Variants in ANO2 observed in about 807,000 individuals in gnomAD.
The protein encoded by ANO2 is anoctamin 2, also known as anoctamin-2.
ANO2 carries 101 observed loss-of-function variants against 124.2 expected under a neutral mutation model. The observed-to-expected ratio is 0.81, with a 90% CI of 0.69 to 0.96. The LOEUF (loss-of-function observed/expected upper bound fraction) is 0.96. ANO2 is among the 40% of genes least tolerant of loss of function. The pLI, the probability that ANO2 is intolerant of heterozygous loss-of-function variation, is 0.00. For missense variants in ANO2, 1,293 were observed against 1,274.5 expected (o/e 1.01, Z -0.22); for synonymous variants, 486 against 482.5 (o/e 1.01, Z -0.09).
chr12:5,672,953 C>A (rs555576439), intron 14 of ANO2, among the ~76,000 whole-genome samples: 1 of 152,256 alleles, frequency 6.6e-6, no homozygotes, highest in Admixed American at 6.5e-5. Context: ...GTAATGTATT[C>A]CTACGGTTCA....
In ANO2 at chr12:5,832,438, G is replaced by C. The variant is rs571977894; in HGVS notation, c.785+14C>G. 4.3e-6 allele frequency: 7 copies of C among 1,613,854 alleles called. No individual in the cohort carries two copies. In the South Asian group the frequency reaches 6.6e-5, roughly 15 times the overall value. On this transcript the variant is annotated intron_variant, in intron 5 of 24. Transcript: ENST00000682330. ...CCCTTCCCACATCTCTGCTCCAGCA[G>C]CTTCAATACTCACAGGTACATCTTC...
At chr12:5,620,748 G>A (rs1945078912) in intron 16 of ANO2, among the ~76,000 whole-genome samples, 1 of 151,918 alleles carries the variant, frequency 6.6e-6, no homozygotes. Context: ...GCCTGGGTGG[G>A]TATGGCCCCC....
At chr12:5,946,010 A>G, upstream of ANO2, 1 of 957,000 alleles carries the variant, frequency 1.0e-6, no homozygotes, top group Admixed American at 2.1e-5. The surrounding 1 kb of genome is among the most constrained non-coding windows in gnomAD (Gnocchi z 4.1). Context: ...GATGGGAGGG[A>G]AGACCTCCAA....
chr12:5,588,753 G>A (rs1236632185), intron 20 of ANO2, among the ~76,000 whole-genome samples: 1 of 152,210 alleles, frequency 6.6e-6, no homozygotes, highest in Non-Finnish European at 1.5e-5. Flanking sequence ...AACATTGGCA[G>A]TAGTGCATTA....
At chr12:5,932,404 T>G (rs1270232725) in intron 1 of ANO2, among the ~76,000 whole-genome samples, 1 of 139,904 alleles carries the variant, frequency 7.1e-6, no homozygotes, top group Non-Finnish European at 1.6e-5. Flanking sequence ...GAAGATAGAC[T>G]AGTAAGGAAG....
chr12:5,827,609 T>G, intron 7 of ANO2, 160 bp downstream of exon 7: 3 of 840,502 alleles, frequency 3.6e-6, no homozygotes, highest in Admixed American at 4.3e-5. Flanking sequence ...CCGCTGCTCC[T>G]GGGGCCAAGG....
At position 5,577,979 on chromosome 12, in the gene ANO2, A is replaced by G; in HGVS notation, c.2415T>C (p.Ile805=). ...IGIWFDILSG[I]GKFSVISNAF... ...CGTTGCTGATAACAGAGAACTTGCC[A>G]ATTCCAGAGAGAATGTCAAACCAGA... The change falls in exon 22 of 25, where the codon ATT becomes ATC. Residue 805 remains isoleucine (I), a synonymous_variant. Transcript: ENST00000682330. 1 of 1,613,898 alleles carries G rather than the reference A, an allele frequency of 6.2e-7. No individual in the cohort carries two copies. The highest frequency in any genetic ancestry group is 8.5e-7 in the Non-Finnish European group (1 of 1,179,818).
At chr12:5,892,180 CAG>C (rs1313183306) in intron 3 of ANO2, among the ~76,000 whole-genome samples, 1 of 151,972 alleles carries the variant, frequency 6.6e-6, no homozygotes, top group Non-Finnish European at 1.5e-5. Context: ...ATTGAAGTGA[CAG>C]AGGAGTCAGT....
intron 19 of ANO2, among the ~76,000 whole-genome samples, chr12:5,601,521 A>C (rs1943939014): frequency 6.6e-6 from 1 of 152,172 alleles, no homozygotes; most frequent in African/African-American, 2.4e-5. Context: ...GTGAGTCAGA[A>C]CAGAAGGAGA....
intron 16 of ANO2, among the ~76,000 whole-genome samples, chr12:5,622,758 G>T (rs186738710): frequency 6.6e-6 from 1 of 152,258 alleles, no homozygotes; most frequent in African/African-American, 2.4e-5. Context: ...GAGGCCAAGA[G>T]TTTGAGACCA....
chr12:5,695,796 T>A (rs1006711380), intron 14 of ANO2, among the ~76,000 whole-genome samples: 2 of 148,442 alleles, frequency 1.3e-5, no homozygotes, highest in Non-Finnish European at 3.0e-5. Context: ...AGCCGAGATC[T>A]CACCATTGCA....
chr12:5,671,070 T>C (rs1439656683), intron 14 of ANO2, among the ~76,000 whole-genome samples: 2 of 152,082 alleles, frequency 1.3e-5, no homozygotes, highest in Admixed American at 6.5e-5. Context: ...AGAAGCACAC[T>C]TGCCCTCAGA....
At chr12:5,791,567 G>A (rs144539864) in intron 10 of ANO2, among the ~76,000 whole-genome samples, 1 of 152,292 alleles carries the variant, frequency 6.6e-6, no homozygotes, top group Non-Finnish European at 1.5e-5. Context: ...CCACTGAATG[G>A]AACTCTGGGG....
At chr12:5,840,845 G>C (rs558880619) in intron 4 of ANO2, among the ~76,000 whole-genome samples, 49 of 152,190 alleles carry the variant, frequency 3.2e-4, no homozygotes, top group African/African-American at 1.1e-3. Context: ...CTGGATCATC[G>C]AAGTTCCATA....
At chr12:5,709,375 C>T (rs1413921707) in intron 14 of ANO2, among the ~76,000 whole-genome samples, 1 of 152,254 alleles carries the variant, frequency 6.6e-6, no homozygotes, top group East Asian at 1.9e-4. Flanking sequence ...GTGCAAATTC[C>T]AGATCATGCC....
intron 14 of ANO2, among the ~76,000 whole-genome samples, chr12:5,672,185 C>T (rs1203172988): frequency 6.6e-6 from 1 of 152,154 alleles, no homozygotes. Context: ...TTCACAGAGC[C>T]AAGAGATAAT....
chr12:5,845,643 C>T (rs1330891311), intron 4 of ANO2, among the ~76,000 whole-genome samples: 1 of 151,706 alleles, frequency 6.6e-6, no homozygotes, highest in African/African-American at 2.4e-5. Context: ...AAATGCCATT[C>T]TAGACCACAC....
chr12:5,584,208 C>G (rs183843399), intron 20 of ANO2: 1 of 155,458 alleles, frequency 6.4e-6, no homozygotes, highest in Non-Finnish European at 1.4e-5. Flanking sequence ...AGAGCCCACT[C>G]GAACCAATCC....
At chr12:5,941,793 T>C (rs1208814739) in intron 1 of ANO2, among the ~76,000 whole-genome samples, 6 of 152,078 alleles carry the variant, frequency 3.9e-5, no homozygotes, top group South Asian at 4.1e-4. Flanking sequence ...TAATGAAGAA[T>C]ATTTAAATAT....
Sources: gnomAD v4.1 joint callset for allele counts (sites outside exome capture counted in the v4.1 genomes callset) on GRCh38, gnomAD v4.1.1 for gene constraint, Gnocchi (gnomAD v3.1) non-coding constraint, MANE v1.5 for transcripts, NCBI Gene and HGNC (gene_info 2026-07-23, HGNC 2026-07-21) for gene names.